Variants in CPQ observed in about 807,000 individuals in gnomAD.
The protein encoded by CPQ is Ser-Met dipeptidase.
CPQ carries 37 observed loss-of-function variants against 45.7 expected under a neutral mutation model. The observed-to-expected ratio is 0.81, with a 90% CI of 0.62 to 1.07. The LOEUF is 1.07. Among genes scored for constraint, CPQ ranks in the 50% least tolerant of loss-of-function variants. CPQ has a pLI of 0.00. For missense variants in CPQ, 537 were observed against 572.9 expected (o/e 0.94, Z 0.64); for synonymous variants, 186 against 205.8 (o/e 0.90, Z 0.82).
chr8:96,935,988 A>T (rs1813043659), intron 4 of CPQ, among the ~76,000 whole-genome samples: 1 of 152,024 alleles, frequency 6.6e-6, no homozygotes, highest in South Asian at 2.1e-4. Flanking sequence ...TCTCATGAAC[A>T]TAACCAATGT....
intron 4 of CPQ, among the ~76,000 whole-genome samples, chr8:96,905,524 G>A (rs1812564357): frequency 6.6e-6 from 1 of 152,120 alleles, no homozygotes; most frequent in South Asian, 2.1e-4. Flanking sequence ...CATCTGACAA[G>A]AGGGAGAGGT....
chr8:96,751,540 C>T (rs1023951227), intron 1 of CPQ, among the ~76,000 whole-genome samples: 4 of 152,002 alleles, frequency 2.6e-5, no homozygotes, highest in African/African-American at 9.7e-5. Context: ...GATATTAGAC[C>T]TCTCTCAGAT....
At chr8:97,123,129 AAAATAAAATAAAATAAAAT>A (rs1563587204) in intron 7 of CPQ, among the ~76,000 whole-genome samples, 5 of 98,036 alleles carry the variant, frequency 5.1e-5, no homozygotes, top group African/African-American at 2.4e-4. Flanking sequence ...TAAAATAAAT[AAAATAAAATAAAATAAAAT>A]AAATAAAATA....
At chr8:96,687,864 G>A (rs1809252690) in intron 1 of CPQ, among the ~76,000 whole-genome samples, 2 of 151,904 alleles carry the variant, frequency 1.3e-5, no homozygotes, top group Admixed American at 1.3e-4. Context: ...TTTGAAAACT[G>A]TCAAAGTTTT....
chr8:96,772,600 A>G (rs1257122917), intron 1 of CPQ, among the ~76,000 whole-genome samples: 1 of 152,086 alleles, frequency 6.6e-6, no homozygotes, highest in Non-Finnish European at 1.5e-5. Flanking sequence ...AATTTAAAGG[A>G]CAGATGGGGG....
chr8:96,827,365 A>G (rs1285090003), intron 2 of CPQ, among the ~76,000 whole-genome samples: 1 of 151,522 alleles, frequency 6.6e-6, no homozygotes, highest in Non-Finnish European at 1.5e-5. Flanking sequence ...CATGGAGCCT[A>G]CTCCACTTTT....
intron 1 of CPQ, among the ~76,000 whole-genome samples, chr8:96,760,451 A>G (rs760515918): frequency 3.9e-5 from 6 of 152,262 alleles, no homozygotes; most frequent in Admixed American, 6.5e-5. Context: ...CTTATAGCCC[A>G]TGTTTTCTCC....
intron 2 of CPQ, among the ~76,000 whole-genome samples, chr8:96,804,641 G>A (rs1811055485): frequency 6.6e-6 from 1 of 151,658 alleles, no homozygotes; most frequent in African/African-American, 2.4e-5. Flanking sequence ...AGGCATCAAT[G>A]AAATAATTTC....
At position 96,925,146 on chromosome 8, in the gene CPQ, A is replaced by G. The variant is rs547464031; in HGVS notation, c.850-40789A>G. Reference sequence around the variant, plus strand: ...CTCTATATGTGTTTATCAAACACCTATCAGGTTATGAAAAGAATGCAAGAA... The same window carrying G: ...CTCTATATGTGTTTATCAAACACCTGTCAGGTTATGAAAAGAATGCAAGAA... On this transcript the variant is annotated intron_variant, in intron 4 of 7. Transcript: ENST00000220763. 3.3e-5 allele frequency among the ~76,000 whole-genome samples: 5 copies of G among 152,322 alleles called. No homozygotes were observed. In the South Asian group the frequency reaches 1.0e-3, roughly 32 times the overall value.
chr8:97,088,194 A>C (rs1258346434), intron 7 of CPQ, among the ~76,000 whole-genome samples: 1 of 152,218 alleles, frequency 6.6e-6, no homozygotes, highest in African/African-American at 2.4e-5. Flanking sequence ...AGTGTCATAC[A>C]TTTCATGAAA....
chr8:96,716,740 T>C (rs1809678650), intron 1 of CPQ, among the ~76,000 whole-genome samples: 1 of 151,990 alleles, frequency 6.6e-6, no homozygotes, highest in Non-Finnish European at 1.5e-5. Flanking sequence ...AAACCCCGTC[T>C]CTACTAAAAA....
At chr8:96,897,782 A>G (rs961233312) in intron 4 of CPQ, among the ~76,000 whole-genome samples, 1 of 152,132 alleles carries the variant, frequency 6.6e-6, no homozygotes, top group Non-Finnish European at 1.5e-5. Flanking sequence ...TCAACATGTG[A>G]GACTCTGGAG....
chr8:96,857,030 G>A (rs1228392381), intron 3 of CPQ, among the ~76,000 whole-genome samples: 2 of 152,166 alleles, frequency 1.3e-5, no homozygotes. Context: ...GAAATTGTCC[G>A]AGTCTCTCCT....
intron 1 of CPQ, among the ~76,000 whole-genome samples, chr8:96,745,402 A>G (rs1272891451): frequency 2.0e-5 from 3 of 152,246 alleles, no homozygotes; most frequent in East Asian, 1.9e-4. Flanking sequence ...TTAAAGGACT[A>G]TGATATGTGT....
At chr8:97,101,950 C>A (rs927415317) in intron 7 of CPQ, among the ~76,000 whole-genome samples, 4 of 134,522 alleles carry the variant, frequency 3.0e-5, no homozygotes, top group African/African-American at 6.5e-5. Flanking sequence ...CTCCCTCCCT[C>A]CCTCTCTCTC....
At chr8:96,932,123 G>A (rs1372442727) in intron 4 of CPQ, among the ~76,000 whole-genome samples, 1 of 152,078 alleles carries the variant, frequency 6.6e-6, no homozygotes, top group Non-Finnish European at 1.5e-5. Flanking sequence ...TCACTACCCA[G>A]ATTGAACGGT....
At chr8:97,095,490 C>T (rs1278878667) in intron 7 of CPQ, among the ~76,000 whole-genome samples, 2 of 152,160 alleles carry the variant, frequency 1.3e-5, no homozygotes, top group Non-Finnish European at 2.9e-5. Context: ...TACTGCATTG[C>T]TCCCAGTTGT....
At chr8:97,011,783 G>T (rs1316631624) in intron 5 of CPQ, among the ~76,000 whole-genome samples, 1 of 152,128 alleles carries the variant, frequency 6.6e-6, no homozygotes, top group African/African-American at 2.4e-5. Context: ...GCACAGCATA[G>T]AGTGCCCAGT....
chr8:96,824,710 G>A (rs1056904228), intron 2 of CPQ, among the ~76,000 whole-genome samples: 1 of 151,978 alleles, frequency 6.6e-6, no homozygotes, highest in African/African-American at 2.4e-5. Flanking sequence ...ATGTGCCTAA[G>A]TTTCTGGTGT....
Sources: gnomAD v4.1 joint callset for allele counts (sites outside exome capture counted in the v4.1 genomes callset) on GRCh38, gnomAD v4.1.1 for gene constraint, MANE v1.5 for transcripts, NCBI Gene and HGNC (gene_info 2026-07-23, HGNC 2026-07-21) for gene names.